NFATC1: variants seen among roughly 807,000 people sequenced by gnomAD.
NFATC1 encodes the protein nuclear factor of activated T cells 1, also known as nuclear factor of activated T-cells, cytoplasmic 1.
Under a neutral mutation model 76.0 loss-of-function variants are expected in NFATC1, and 22 were observed. The ratio of observed to expected loss-of-function variants is 0.29; its 90% CI spans 0.21 to 0.41. The LOEUF (loss-of-function observed/expected upper bound fraction) is 0.41. Among genes scored for constraint, NFATC1 ranks in the 10% least tolerant of loss-of-function variants. The pLI, the probability that NFATC1 is intolerant of heterozygous loss-of-function variation, is 1.00. For synonymous variants in NFATC1, 704 were observed against 613.1 expected (o/e 1.15, Z -2.19); for missense variants, 1,357 against 1,337.7 (o/e 1.01, Z -0.23).
At chr18:79,490,318 C>T (rs1190954760) in intron 9 of NFATC1, among the ~76,000 whole-genome samples, 1 of 148,280 alleles carries the variant, frequency 6.7e-6, no homozygotes, top group African/African-American at 2.5e-5. Flanking sequence ...ACAGGGTGGT[C>T]CCTGGTGCAG....
chr18:79,429,870 G>A lies in NFATC1; in HGVS notation c.1227-3709G>A, dbSNP rs530006781. ...TCCTGCACCGCGGCGTCGGGTCAAC[G>A]GCGGACTTCACCTATGAGGGTTCTC... On this transcript the variant is annotated intron_variant, in intron 2 of 9. Coordinates refer to ENST00000427363, the MANE Select transcript of NFATC1 (RefSeq NM_001278669.2). Among the ~76,000 whole-genome samples, 4 of 152,352 alleles carry A rather than the reference G, an allele frequency of 2.6e-5. No homozygotes were observed. The East Asian group carries it at 7.7e-4, about 29-fold the overall frequency.
chr18:79,499,517 A>G (rs1286104432), intron 9 of NFATC1, among the ~76,000 whole-genome samples: 2 of 152,244 alleles, frequency 1.3e-5, no homozygotes, highest in South Asian at 4.1e-4. Context: ...ACATAATCCT[A>G]CCGTATCAAT....
chr18:79,483,449 A>C lies in NFATC1; in HGVS notation c.2093-2799A>C, dbSNP rs56135075. On this transcript the variant is annotated intron_variant, in intron 8 of 9. Transcript: ENST00000427363. ...CCGGCGTGACCTGGTCCTGGGGTGTAAGTCCAGCGTGACCTGGTTCCTGGG... is the reference window on the plus strand; with the variant it reads ...CCGGCGTGACCTGGTCCTGGGGTGTCAGTCCAGCGTGACCTGGTTCCTGGG... Among the ~76,000 whole-genome samples the C allele has an allele frequency of 8.3e-4, 75 of 90,404 alleles. 1 individual carries two copies. Among genetic ancestry groups the C allele is most frequent in the African/African-American group, 1.6e-3 (35 of 21,470 alleles). 59.3% of individuals were successfully genotyped at this position (90,404 alleles called of 152,430 possible).
At chr18:79,493,449 T>A (rs2089755933) in intron 9 of NFATC1, 1 of 152,222 alleles carries the variant, frequency 6.6e-6, no homozygotes. Context: ...CGCCTCCCCG[T>A]GTCCCCTGGG....
chr18:79,408,219 C>T (rs542314585), intron 1 of NFATC1, among the ~76,000 whole-genome samples: 6 of 152,318 alleles, frequency 3.9e-5, no homozygotes, highest in African/African-American at 9.6e-5. Context: ...TTCTGAACCA[C>T]GACTTAGCGG....
At chr18:79,427,298 G>A (rs1010361928) in intron 2 of NFATC1, among the ~76,000 whole-genome samples, 7 of 152,112 alleles carry the variant, frequency 4.6e-5, no homozygotes, top group African/African-American at 1.7e-4. Flanking sequence ...ACCAGTATAT[G>A]CCCAATTTGC....
chr18:79,444,355 C>T (rs553855726), intron 3 of NFATC1, among the ~76,000 whole-genome samples: 4 of 152,356 alleles, frequency 2.6e-5, no homozygotes, highest in South Asian at 2.1e-4. Flanking sequence ...CCGTTCCTCC[C>T]GTTCCTTCTC....
intron 8 of NFATC1, among the ~76,000 whole-genome samples, chr18:79,475,817 C>T (rs1415693402): frequency 6.6e-6 from 1 of 152,216 alleles, no homozygotes; most frequent in African/African-American, 2.4e-5. Flanking sequence ...GCATCCTAGC[C>T]ACCCGACGCT....
chr18:79,462,677 TAAA>T (rs2088177793), intron 7 of NFATC1, among the ~76,000 whole-genome samples: 1 of 152,144 alleles, frequency 6.6e-6, no homozygotes, highest in Non-Finnish European at 1.5e-5. Flanking sequence ...TTTAGTCCTA[TAAA>T]AGCAGTAGAA....
In NFATC1 at chr18:79,411,387, A is replaced by C. The variant is rs1568927412; in HGVS notation, c.1112A>C (p.Tyr371Ser). ...CCGGCCGACTTCGCGCCCGAAGACT[A>C]CTCCTCTTTCCAGCACATCAGGAAG... ...PPPADFAPED[Y>S]SSFQHIRKGG... The change falls in exon 2 of 10, where the codon TAC (tyrosine) becomes TCC (serine). Residue 371 changes from tyrosine to serine, a missense_variant. Physicochemically the swap from Tyr to Ser is moderately radical, Grantham distance 144. This residue lies in a region of NFATC1 where 691 missense variants were observed against 613.1 expected (regional missense o/e 1.13). Coordinates refer to ENST00000427363, the MANE Select transcript of NFATC1 (RefSeq NM_001278669.2). The C allele has an allele frequency of 1.3e-6, 2 of 1,578,764 alleles. No individual in the cohort carries two copies. Among genetic ancestry groups the C allele is most frequent in the Admixed American group, 1.8e-5 (1 of 55,404 alleles).
chr18:79,451,530 A>G (rs933151594), intron 5 of NFATC1, 146 bp from the exon 6 acceptor site: 1 of 762,998 alleles, frequency 1.3e-6, no homozygotes. Context: ...CCCTAGAAGT[A>G]GTGGCATCCG....
chr18:79,497,772 C>A (rs1166981591), intron 9 of NFATC1: 1 of 151,680 alleles, frequency 6.6e-6, no homozygotes, highest in South Asian at 2.1e-4. Flanking sequence ...CAGGTCCTGA[C>A]ACACAGGTTT....
intron 2 of NFATC1, among the ~76,000 whole-genome samples, chr18:79,427,430 G>GTC (rs1568947946): frequency 2.2e-5 from 2 of 88,976 alleles, no homozygotes; most frequent in East Asian, 3.3e-4. Flanking sequence ...TGCGGTGGGT[G>GTC]GGGGGGAGCT....
intron 1 of NFATC1, among the ~76,000 whole-genome samples, chr18:79,396,814 C>G (rs551706649): frequency 6.6e-6 from 1 of 151,666 alleles, no homozygotes; most frequent in African/African-American, 2.4e-5. Context: ...ACCCCCACCC[C>G]GAGCTCGTGG....
At chr18:79,509,902 G>A (rs1312788703) in intron 9 of NFATC1, among the ~76,000 whole-genome samples, 6 of 152,312 alleles carry the variant, frequency 3.9e-5, no homozygotes, top group Non-Finnish European at 5.9e-5. Context: ...TGTCCTCGGC[G>A]CCAGGTACCA....
intron 8 of NFATC1, among the ~76,000 whole-genome samples, chr18:79,477,135 T>G (rs1287696074): frequency 6.6e-6 from 1 of 152,218 alleles, no homozygotes; most frequent in African/African-American, 2.4e-5. Context: ...ATAAGGCAGC[T>G]TCATCCGCTG....
intron 3 of NFATC1, among the ~76,000 whole-genome samples, chr18:79,440,445 T>A (rs1313524425): frequency 6.6e-6 from 1 of 152,190 alleles, no homozygotes; most frequent in Non-Finnish European, 1.5e-5. Context: ...GCAGCAGCAA[T>A]CACCCCGTGG....
At chr18:79,398,182 G>A (rs2085067997) in intron 1 of NFATC1, among the ~76,000 whole-genome samples, 1 of 152,202 alleles carries the variant, frequency 6.6e-6, no homozygotes. Context: ...GAAGGCCCCG[G>A]GCTTGCTTCC....
At chr18:79,477,150 C>A (rs1177510873) in intron 8 of NFATC1, among the ~76,000 whole-genome samples, 1 of 152,226 alleles carries the variant, frequency 6.6e-6, no homozygotes, top group Non-Finnish European at 1.5e-5. Context: ...CCGCTGTTTT[C>A]TTTCATTGTT....
Sources: allele counts gnomAD v4.1 joint callset (sites outside exome capture counted in the v4.1 genomes callset), GRCh38; gene constraint gnomAD v4.1.1; regional missense constraint gnomAD v4.1.1; transcripts MANE v1.5; gene names NCBI Gene and HGNC (gene_info 2026-07-23, HGNC 2026-07-21).